The following MGST2 variants were observed in gnomAD, a reference collection of about 807,000 sequenced individuals.
MGST2 encodes the protein microsomal glutathione S-transferase 2, also known as glutathione peroxidase MGST2.
Under a neutral mutation model 16.6 loss-of-function variants are expected in MGST2, and 9 were observed. That is an observed-to-expected ratio of 0.54 (90% CI 0.33 to 0.95). MGST2 has a LOEUF of 0.95. Among genes scored for constraint, MGST2 ranks in the 40% least tolerant of loss-of-function variants. MGST2 has a pLI of 0.03. For synonymous variants in MGST2, 79 were observed against 68.0 expected, an observed-to-expected ratio of 1.16 and a Z score of -0.79; for missense variants, 159 against 175.1, an observed-to-expected ratio of 0.91 and a Z score of 0.52.
chr4:139,668,652 A>G lies in MGST2; in HGVS notation c.58+2575A>G, dbSNP rs531331120. Among the ~76,000 whole-genome samples, 4 of 151,564 alleles carry G rather than the reference A, an allele frequency of 2.6e-5. No homozygotes were observed. In the East Asian group the frequency reaches 5.9e-4, roughly 22 times the overall value. ...GGTAGAGGGGGAGAGGGAGAGAGAG[A>G]GAGGCTTTACAACAACACAGGTTTA... On this transcript the variant is annotated intron_variant, in intron 1 of 4. Coordinates refer to ENST00000265498, the MANE Select transcript of MGST2 (RefSeq NM_002413.5).
chr4:139,696,920 T>C (rs373963290), intron 3 of MGST2, among the ~76,000 whole-genome samples: 1 of 152,072 alleles, frequency 6.6e-6, no homozygotes, highest in East Asian at 1.9e-4. Flanking sequence ...GAGGCTGAAT[T>C]AAAGATGTTG....
intron 3 of MGST2, among the ~76,000 whole-genome samples, chr4:139,703,202 C>T (rs1181602056): frequency 6.6e-6 from 1 of 152,182 alleles, no homozygotes; most frequent in East Asian, 1.9e-4. Context: ...GTTGGGAATA[C>T]AGGCCTGAGC....
At chr4:139,728,738 C>T (rs1219738869) in intron 5 of MGST2, among the ~76,000 whole-genome samples, 1 of 152,166 alleles carries the variant, frequency 6.6e-6, no homozygotes, top group African/African-American at 2.4e-5. Context: ...TGACCTCTCA[C>T]CTCCTTGTCT....
chr4:139,746,732 T>C, the MGST2 span, among the ~76,000 whole-genome samples: 1 of 152,142 alleles, frequency 6.6e-6, no homozygotes, highest in African/African-American at 2.4e-5. Context: ...CTTCTCCTCC[T>C]CTCTCCCTTT....
chr4:139,690,637 A>G lies in MGST2; in HGVS notation c.159-4560A>G, dbSNP rs1279914900. On this transcript the variant is annotated intron_variant, in intron 2 of 4. Transcript: ENST00000265498. ...TCCTCTGCTGCAGGAGGATGTGTGCATATTTTTATGGGGCTGTGCAACTGT... is the reference window on the plus strand; with the variant it reads ...TCCTCTGCTGCAGGAGGATGTGTGCGTATTTTTATGGGGCTGTGCAACTGT... Among the ~76,000 whole-genome samples, 3 of 152,154 alleles carry G rather than the reference A, an allele frequency of 2.0e-5. No individual in the cohort carries two copies. In the East Asian group the frequency reaches 5.8e-4, roughly 29 times the overall value.
downstream of MGST2, among the ~76,000 whole-genome samples, chr4:139,705,398 A>G (rs1727481948): frequency 6.6e-6 from 1 of 152,148 alleles, no homozygotes; most frequent in Admixed American, 6.5e-5. Context: ...AGCATGTGCA[A>G]ATTCCAGAGG....
intron 5 of MGST2, among the ~76,000 whole-genome samples, chr4:139,736,405 G>A (rs1269764128): frequency 6.6e-6 from 1 of 152,184 alleles, no homozygotes. Context: ...AGCACAGGAT[G>A]AATCGAACAC....
At chr4:139,748,331 C>T in the MGST2 span, among the ~76,000 whole-genome samples, 1 of 152,104 alleles carries the variant, frequency 6.6e-6, no homozygotes, top group East Asian at 1.9e-4. Flanking sequence ...CTTTCAGGGG[C>T]TTCAGAGAAA....
rs1728673878 is a variant in MGST2 at position 139,730,756 on chromosome 4, G to A, written c.*49-9456G>A. The A allele has an allele frequency of 8.9e-6, 11 of 1,235,688 alleles. No homozygotes were observed. The Admixed American group carries it at 2.3e-4, about 25-fold the overall frequency. 76.5% of individuals were successfully genotyped at this position (1,235,688 alleles called of 1,614,324 possible). A position where few individuals can be genotyped will look rare whatever the true frequency, so the allele number is the denominator to read the frequency against. ...GAAGCCCCTGGAAAAAGGGAACGGGGCAGAAGTCCCAGCTTATGGACTGGA... is the reference window on the plus strand; with the variant it reads ...GAAGCCCCTGGAAAAAGGGAACGGGACAGAAGTCCCAGCTTATGGACTGGA... On this transcript the variant is annotated intron_variant, in intron 5 of 5. Transcript: ENST00000616265.
intron 2 of MGST2, among the ~76,000 whole-genome samples, chr4:139,689,436 A>T (rs1456707932): frequency 1.3e-5 from 2 of 152,186 alleles, no homozygotes; most frequent in Non-Finnish European, 2.9e-5. Context: ...ACACGTCTTT[A>T]TAAAAAGATT....
intron 4 of MGST2, 52 bp from the exon 5 acceptor site, chr4:139,703,964 T>C: frequency 6.2e-7 from 1 of 1,610,912 alleles, no homozygotes; most frequent in Non-Finnish European, 8.5e-7. Context: ...GACTCTCAGC[T>C]TCCTTATTAC....
intron 1 of MGST2, among the ~76,000 whole-genome samples, chr4:139,675,648 G>A (rs1285951366): frequency 6.6e-6 from 1 of 152,230 alleles, no homozygotes; most frequent in Non-Finnish European, 1.5e-5. Flanking sequence ...GGTTTGAAAA[G>A]GAAAGTTTTA....
chr4:139,691,392 T>C (rs1404119605), intron 2 of MGST2, among the ~76,000 whole-genome samples: 2 of 152,218 alleles, frequency 1.3e-5, no homozygotes, highest in African/African-American at 4.8e-5. Flanking sequence ...GACAGGATTG[T>C]CAAGAAGTAA....
intron 5 of MGST2, chr4:139,730,605 G>A (rs546915831): frequency 6.2e-7 from 1 of 1,612,084 alleles, no homozygotes; most frequent in Non-Finnish European, 8.5e-7. Context: ...TGCCACCTGA[G>A]CCTGGGGGCA....
At chr4:139,746,328 A>C in the MGST2 span, among the ~76,000 whole-genome samples, 1 of 152,264 alleles carries the variant, frequency 6.6e-6, no homozygotes, top group Admixed American at 6.5e-5. Flanking sequence ...GGACTGTTGA[A>C]AATTTATGAT....
At chr4:139,751,939 C>G in the MGST2 span, among the ~76,000 whole-genome samples, 30 of 152,148 alleles carry the variant, frequency 2.0e-4, no homozygotes, top group Non-Finnish European at 3.8e-4. Context: ...TCCAAGGAGC[C>G]TCCATATAAA....
chr4:139,748,924 G>T, the MGST2 span, among the ~76,000 whole-genome samples: 1 of 152,116 alleles, frequency 6.6e-6, no homozygotes, highest in Non-Finnish European at 1.5e-5. Context: ...CTCTTTGCAT[G>T]CACACCATTT....
At chr4:139,671,362 G>A (rs1363442883) in intron 1 of MGST2, among the ~76,000 whole-genome samples, 2 of 152,174 alleles carry the variant, frequency 1.3e-5, no homozygotes, top group South Asian at 2.1e-4. Flanking sequence ...CAAAGCAAAA[G>A]GAGATTATTA....
rs997664656 is a variant in MGST2 at position 139,715,658 on chromosome 4, C to G, written c.*48+11462C>G. 2.2e-4 allele frequency among the ~76,000 whole-genome samples: 33 copies of G among 152,256 alleles called. No homozygotes were observed. The highest frequency in any genetic ancestry group is 7.9e-4 in the African/African-American group (33 of 41,540). ...AACAAGGGGTGCATTATTCATGCCT[C>G]CCCTTTTTAGACCATATAGGGTAAC... On this transcript the variant is annotated intron_variant, in intron 5 of 5. Transcript: ENST00000616265. The surrounding 1 kb of genome is among the most constrained non-coding windows in gnomAD (Gnocchi z 4.4).
Sources: allele counts gnomAD v4.1 joint callset (sites outside exome capture counted in the v4.1 genomes callset), GRCh38; gene constraint gnomAD v4.1.1; non-coding constraint Gnocchi (gnomAD v3.1); transcripts MANE v1.5; gene names NCBI Gene and HGNC (gene_info 2026-07-23, HGNC 2026-07-21).